Variants in CLCN5 observed in about 807,000 individuals in gnomAD.
CLCN5 encodes the protein Cl-/H+ antiporter 5.
Under a neutral mutation model 54.0 loss-of-function variants are expected in CLCN5, and 17 were observed. That is an observed-to-expected ratio of 0.31 (90% CI 0.22 to 0.47). The LOEUF is 0.47. CLCN5 is among the 20% of genes least tolerant of loss of function. The probability of loss-of-function intolerance (pLI) is 1.00; values close to 1 mark genes in which losing one functional copy is unlikely to be tolerated. For synonymous variants in CLCN5, 222 were observed against 233.0 expected (o/e 0.95, Z 0.43); for missense variants, 448 against 646.7 (o/e 0.69, Z 3.33).
At chrX:50,065,132 A>C (rs1474121218) in intron 4 of CLCN5, among the ~76,000 whole-genome samples, 3 of 90,206 alleles carry the variant, frequency 3.3e-5, no homozygotes, top group Non-Finnish European at 6.5e-5. Context: ...CACCAAAAGC[A>C]ATGGCAACAA....
At position 50,005,596 on chromosome X, in the gene CLCN5, A is replaced by G. The variant is rs893555302; in HGVS notation, c.17-36720A>G. Reference sequence around the variant, plus strand: ...ACTCTAAAGAGGATTTTTTAAAAAAACTATTATAATAAACTCATAGATTTA... The same window carrying G: ...ACTCTAAAGAGGATTTTTTAAAAAAGCTATTATAATAAACTCATAGATTTA... On this transcript the variant is annotated intron_variant, in intron 3 of 14. Transcript: ENST00000376091. Among the ~76,000 whole-genome samples, 3 of 111,991 alleles carry G rather than the reference A, an allele frequency of 2.7e-5. No homozygotes were observed. The South Asian group carries it at 1.1e-3, about 42-fold the overall frequency.
chrX:50,023,047 T>G (rs1557184584), intron 3 of CLCN5, among the ~76,000 whole-genome samples: 4 of 93,417 alleles, frequency 4.3e-5, no homozygotes, highest in Non-Finnish European at 2.0e-5. Flanking sequence ...ACTTTCTGTT[T>G]CGTTGATCTG....
chrX:50,055,694 T>G (rs1932721926), intron 4 of CLCN5, among the ~76,000 whole-genome samples: 1 of 111,928 alleles, frequency 8.9e-6, no homozygotes, highest in African/African-American at 3.2e-5. Context: ...CACAGGTTTT[T>G]AAAATGTGAA....
intron 3 of CLCN5, among the ~76,000 whole-genome samples, chrX:50,029,131 T>C (rs1931561844): frequency 8.9e-6 from 1 of 112,314 alleles, no homozygotes; most frequent in African/African-American, 3.2e-5. Flanking sequence ...TAAGTTCAAA[T>C]AGTTTGGATC....
chrX:50,043,723 T>C (rs1395688194), intron 4 of CLCN5, among the ~76,000 whole-genome samples: 1 of 112,000 alleles, frequency 8.9e-6, no homozygotes, highest in Admixed American at 9.5e-5. Flanking sequence ...TTCTAGTTTG[T>C]CTCTTTTAAC....
intron 9 of CLCN5, among the ~76,000 whole-genome samples, chrX:50,083,721 T>C (rs781797320): frequency 8.9e-6 from 1 of 112,100 alleles, no homozygotes; most frequent in Non-Finnish European, 1.9e-5. Context: ...ATAAAACAAA[T>C]GCAGTAATGG....
intron 3 of CLCN5, among the ~76,000 whole-genome samples, chrX:49,938,006 AG>A (rs782331175): frequency 9.0e-6 from 1 of 111,621 alleles, no homozygotes; most frequent in South Asian, 3.8e-4. Context: ...AAGAAGTCAA[AG>A]GGTTGTCTGT....
chrX:49,939,424 G>A (rs1487419130), intron 3 of CLCN5, among the ~76,000 whole-genome samples: 10 of 111,498 alleles, frequency 9.0e-5, no homozygotes, highest in African/African-American at 3.3e-4. Context: ...TTAAGAAAAT[G>A]TGACACATAT....
intron 3 of CLCN5, among the ~76,000 whole-genome samples, chrX:50,033,817 A>G (rs1252389915): frequency 8.9e-6 from 1 of 111,972 alleles, no homozygotes; most frequent in African/African-American, 3.2e-5. Flanking sequence ...GATATAAATA[A>G]AAGCTCTTTA....
chrX:50,052,430 G>A (rs782200455), intron 4 of CLCN5, among the ~76,000 whole-genome samples: 2 of 111,597 alleles, frequency 1.8e-5, no homozygotes, highest in African/African-American at 3.3e-5. Context: ...ATGCAATGTC[G>A]AATTCAATTT....
rs55676763 is a variant in CLCN5 at position 50,075,933 on chromosome X, A to G, written c.554A>G (p.Lys185Arg). ...CATGTCACCTTTGAAGAGAGAGACA[A>G]ATGTCCAGAGTGGAATAGTTGGTCC... ...SEHVTFEERD[K>R]CPEWNSWSQL... The change falls in exon 7 of 15, where the codon AAA becomes AGA. Residue 185 changes from lysine to arginine, a missense_variant. Coordinates refer to ENST00000376091, the MANE Select transcript of CLCN5 (RefSeq NM_001127898.4). 791 of 1,210,239 alleles carry G rather than the reference A, an allele frequency of 6.5e-4. No individual in the cohort carries two copies. The highest frequency in any genetic ancestry group is 8.3e-4 in the Non-Finnish European group (739 of 895,083).
chrX:50,039,017 G>A (rs6520503), intron 3 of CLCN5, among the ~76,000 whole-genome samples: 1,762 of 111,975 alleles, frequency 0.016, 30 homozygotes, highest in African/African-American at 0.053. Context: ...TGTGGCTTAC[G>A]CTTGTAATCC....
At chrX:50,039,487 AAATATTACCCAAC>A (rs1932129148) in intron 3 of CLCN5, among the ~76,000 whole-genome samples, 1 of 111,693 alleles carries the variant, frequency 9.0e-6, no homozygotes, top group Admixed American at 9.5e-5. Context: ...CCAAATGTTT[AAATATTACCCAAC>A]AATGTTTCCT....
At chrX:49,984,571 C>A (rs1426219104) in intron 3 of CLCN5, among the ~76,000 whole-genome samples, 1 of 110,130 alleles carries the variant, frequency 9.1e-6, no homozygotes, top group Non-Finnish European at 1.9e-5. Context: ...CTTTCTTTCT[C>A]TCTCTTTCTC....
At chrX:49,944,553 G>T (rs1386944737) in intron 3 of CLCN5, among the ~76,000 whole-genome samples, 1 of 111,607 alleles carries the variant, frequency 9.0e-6, no homozygotes, top group Non-Finnish European at 1.9e-5. Flanking sequence ...CTCATAAATA[G>T]CTCTTATTAT....
rs781862846 is a variant in CLCN5 at position 50,014,606 on chromosome X, C to G, written c.17-27710C>G. On this transcript the variant is annotated intron_variant, in intron 3 of 14. Transcript: ENST00000376091. ...GCCCAAGCCTTCTGCCCTGCTCCCC[C>G]TCTCTAATCCTTGCTATCTGGGTGC... 1.2e-3 allele frequency: 416 copies of G among 353,947 alleles called. 2 individuals carry two copies. The Admixed American group carries it at 0.012, about 10-fold the overall frequency. The allele number at this position is 353,947 out of a possible 1,213,427, so 29.2% of individuals were successfully genotyped here.
intron 3 of CLCN5, chrX:50,009,687 A>G (rs782636607): frequency 1.8e-5 from 7 of 385,885 alleles, no homozygotes; most frequent in South Asian, 1.6e-4. Context: ...ATGGAGATAT[A>G]CATGCAGGGT....
intron 4 of CLCN5, among the ~76,000 whole-genome samples, chrX:50,051,736 C>T (rs371260407): frequency 1.1e-4 from 12 of 111,509 alleles, no homozygotes; most frequent in East Asian, 5.6e-4. Context: ...TCTTAGATTT[C>T]GACCTCTAAG....
Position 49,955,434 on chromosome X carries a change from C to T in CLCN5, c.16+30120C>T, listed in dbSNP as rs181186652. Among the ~76,000 whole-genome samples, 714 of 109,425 alleles carry T rather than the reference C, an allele frequency of 6.5e-3. 3 individuals carry two copies. The highest frequency in any genetic ancestry group is 0.023 in the African/African-American group (685 of 30,081). ...CAGCTTCCGATTAGCTGTTTAGTCACCCCCCAGCCCATGAGTCCCCCATGA... is the reference window on the plus strand; with the variant it reads ...CAGCTTCCGATTAGCTGTTTAGTCATCCCCCAGCCCATGAGTCCCCCATGA... On this transcript the variant is annotated intron_variant, in intron 3 of 14. Coordinates refer to ENST00000376091, the MANE Select transcript of CLCN5 (RefSeq NM_001127898.4).
Sources: allele counts gnomAD v4.1 joint callset (sites outside exome capture counted in the v4.1 genomes callset), GRCh38; gene constraint gnomAD v4.1.1; transcripts MANE v1.5; gene names NCBI Gene and HGNC (gene_info 2026-07-23, HGNC 2026-07-21).